NCAM2: variants seen among roughly 807,000 people sequenced by gnomAD.
NCAM2 encodes the protein neural cell adhesion molecule 2.
Under a neutral mutation model 98.1 loss-of-function variants are expected in NCAM2, and 30 were observed. The ratio of observed to expected loss-of-function variants is 0.31; its 90% CI spans 0.23 to 0.41. The LOEUF (loss-of-function observed/expected upper bound fraction) is 0.41, where lower values mean the gene tolerates loss of function less well. Among genes scored for constraint, NCAM2 ranks in the 10% least tolerant of loss-of-function variants. The pLI is 1.00. For missense variants in NCAM2, 867 were observed against 1,005.8 expected (o/e 0.86, Z 1.87); for synonymous variants, 368 against 342.4 (o/e 1.07, Z -0.83).
At chr21:21,393,922 A>G (rs1256793428) in intron 9 of NCAM2, among the ~76,000 whole-genome samples, 1 of 152,204 alleles carries the variant, frequency 6.6e-6, no homozygotes, top group Non-Finnish European at 1.5e-5. Context: ...AAAGGAGAAT[A>G]ATATTAGAAA....
In NCAM2 at chr21:21,163,381, A is replaced by C. The variant is rs111412924; in HGVS notation, c.56-117197A>C. Among the ~76,000 whole-genome samples, 1,216 of 152,254 alleles carry C rather than the reference A, an allele frequency of 8.0e-3. 19 individuals are homozygous for C. Among genetic ancestry groups the C allele is most frequent in the African/African-American group, 0.028 (1,156 of 41,538 alleles). ...GATGAAAAGCTCCAGTATTATCCAG[A>C]GTACAGCTAGTTTGTCTGGCCTTCT... On this transcript the variant is annotated intron_variant, in intron 1 of 17. Transcript: ENST00000400546.
rs1171322110 is a variant in NCAM2 at position 21,539,703 on chromosome 21, C to G, written c.*1746C>G. On this transcript the variant is annotated 3_prime_UTR_variant, in exon 18 of 18. Transcript: ENST00000400546. ...AAGTTGCAGGGTTAAATGCGGGAAT[C>G]TCTCCTTGCGTTCCTGTCTGGCGTA... 3.3e-5 allele frequency: 5 copies of G among 152,142 alleles called. No individual in the cohort carries two copies. The highest frequency in any genetic ancestry group is 1.9e-4 in the East Asian group (1 of 5,188). The allele number at this position is 152,142 out of a possible 1,614,324, so 9.4% of individuals were successfully genotyped here.
chr21:21,149,276 A>G (rs1408505743), intron 1 of NCAM2, among the ~76,000 whole-genome samples: 1 of 152,204 alleles, frequency 6.6e-6, no homozygotes. Context: ...GGAGAATTAC[A>G]TTGAATCTAT....
intron 1 of NCAM2, among the ~76,000 whole-genome samples, chr21:21,149,186 G>A (rs2067373288): frequency 1.3e-5 from 2 of 151,988 alleles, no homozygotes. Context: ...AAATATTTTG[G>A]CTATTTGAGG....
intron 6 of NCAM2, among the ~76,000 whole-genome samples, chr21:21,333,997 C>T (rs1439240221): frequency 1.3e-5 from 2 of 151,816 alleles, no homozygotes; most frequent in African/African-American, 4.8e-5. Flanking sequence ...CACTCTGTGG[C>T]CGAGGCTGGA....
At chr21:21,361,634 T>G (rs1246946687) in intron 8 of NCAM2, among the ~76,000 whole-genome samples, 1 of 152,112 alleles carries the variant, frequency 6.6e-6, no homozygotes, top group East Asian at 1.9e-4. Flanking sequence ...TCAATTGGAT[T>G]CTGTAATCTC....
chr21:21,460,151 A>G (rs1982755988), intron 12 of NCAM2, among the ~76,000 whole-genome samples: 1 of 151,812 alleles, frequency 6.6e-6, no homozygotes, highest in Non-Finnish European at 1.5e-5. Context: ...TATCATTTTT[A>G]TTTTTGTTTG....
chr21:21,512,707 T>C (rs1988466790), intron 16 of NCAM2, among the ~76,000 whole-genome samples: 1 of 152,066 alleles, frequency 6.6e-6, no homozygotes, highest in Non-Finnish European at 1.5e-5. Flanking sequence ...ACATTTATTG[T>C]TTTAATCCAC....
chr21:21,392,013 T>G (rs988516563), intron 9 of NCAM2, among the ~76,000 whole-genome samples: 2 of 152,206 alleles, frequency 1.3e-5, no homozygotes, highest in African/African-American at 4.8e-5. Flanking sequence ...TCAGAGGGTT[T>G]GTGTGTCTGT....
intron 11 of NCAM2, among the ~76,000 whole-genome samples, chr21:21,431,190 T>A (rs1482111884): frequency 6.8e-6 from 1 of 147,080 alleles, no homozygotes; most frequent in Non-Finnish European, 1.5e-5. Context: ...ATTATTTTTT[T>A]ATCCAAAGTT....
At chr21:21,008,429 T>C (rs1265480907) in intron 1 of NCAM2, among the ~76,000 whole-genome samples, 1 of 152,192 alleles carries the variant, frequency 6.6e-6, no homozygotes, top group Non-Finnish European at 1.5e-5. Context: ...AAAACACTTA[T>C]AGTCCATTTT....
chr21:21,475,189 T>C (rs1985005895), intron 14 of NCAM2, among the ~76,000 whole-genome samples: 1 of 152,088 alleles, frequency 6.6e-6, no homozygotes, highest in Non-Finnish European at 1.5e-5. Flanking sequence ...GACACCTTCT[T>C]GTCATTAACT....
rs776013846 is a variant in NCAM2 at position 21,539,204 on chromosome 21, C to A, written c.*1247C>A. The A allele has an allele frequency of 1.2e-4, 18 of 152,258 alleles. No individual in the cohort carries two copies. The highest frequency in any genetic ancestry group is 3.4e-3 in the Middle Eastern group (1 of 294). 9.4% of individuals were successfully genotyped at this position (152,258 alleles called of 1,614,324 possible). On this transcript the variant is annotated 3_prime_UTR_variant, in exon 18 of 18. Coordinates refer to ENST00000400546, the MANE Select transcript of NCAM2 (RefSeq NM_004540.5). The stretch of plus-strand genomic sequence containing the variant: ...TATACCAGAATAAAATGCTTCTTTA[C>A]TTCCAAGCTATGCAAGCTCCCAGAG...
In NCAM2 at chr21:21,118,451, A is replaced by G. The variant is rs2066608132; in HGVS notation, c.55+119833A>G. The stretch of plus-strand genomic sequence containing the variant: ...CAAGATGATCTGAACTGCACTCTGA[A>G]GGCTTAGCCAGTTCAGACAAGCTAA... On this transcript the variant is annotated intron_variant, in intron 1 of 17. Transcript: ENST00000400546. Among the ~76,000 whole-genome samples the G allele has an allele frequency of 2.0e-5, 3 of 152,154 alleles. No homozygotes were observed. The South Asian group carries it at 6.2e-4, about 32-fold the overall frequency.
At chr21:21,060,833 T>C (rs2065306730) in intron 1 of NCAM2, among the ~76,000 whole-genome samples, 1 of 152,080 alleles carries the variant, frequency 6.6e-6, no homozygotes, top group South Asian at 2.1e-4. Flanking sequence ...AAGAGAAAAG[T>C]CTTGGTTGAT....
intron 1 of NCAM2, among the ~76,000 whole-genome samples, chr21:21,254,864 T>A (rs2071606010): frequency 2.6e-5 from 4 of 151,920 alleles, no homozygotes; most frequent in Admixed American, 2.6e-4. Flanking sequence ...TTACATACGT[T>A]ATTTCTAACA....
At chr21:21,325,954 T>TACCACAAACC (rs914666225) in intron 6 of NCAM2, among the ~76,000 whole-genome samples, 9 of 152,212 alleles carry the variant, frequency 5.9e-5, no homozygotes, top group Non-Finnish European at 1.2e-4. Flanking sequence ...ATAGTGGGAA[T>TACCACAAACC]AGTAGCTGGT....
At chr21:21,484,945 T>C (rs1224862701) in intron 15 of NCAM2, among the ~76,000 whole-genome samples, 1 of 152,158 alleles carries the variant, frequency 6.6e-6, no homozygotes, top group Admixed American at 6.5e-5. Context: ...TAATTAAATA[T>C]CCATGGCCAT....
At position 20,998,651 on chromosome 21, in the gene NCAM2, C is replaced by T. The variant is rs2063963378; in HGVS notation, c.55+33C>T. On this transcript the variant is annotated intron_variant, in intron 1 of 17. Transcript: ENST00000400546. ...TGTGGCGCTTTATTGCATTTACTTTCCCTCCCCCTTCCACCCGGCCAAGAG... is the reference window on the plus strand; with the variant it reads ...TGTGGCGCTTTATTGCATTTACTTTTCCTCCCCCTTCCACCCGGCCAAGAG... 7 of 1,604,230 alleles carry T rather than the reference C, an allele frequency of 4.4e-6. No homozygotes were observed. The East Asian group carries it at 1.6e-4, about 36-fold the overall frequency.
Sources: gnomAD v4.1 joint callset for allele counts (sites outside exome capture counted in the v4.1 genomes callset) on GRCh38, gnomAD v4.1.1 for gene constraint, MANE v1.5 for transcripts, NCBI Gene and HGNC (gene_info 2026-07-23, HGNC 2026-07-21) for gene names.